Variants in SKAP2 observed in about 807,000 individuals in gnomAD.
The protein encoded by SKAP2 is src kinase associated phosphoprotein 2.
SKAP2 carries 28 observed loss-of-function variants against 54.9 expected under a neutral mutation model. The ratio of observed to expected loss-of-function variants is 0.51; its 90% CI spans 0.38 to 0.70. SKAP2 has a LOEUF of 0.70. Ranked by LOEUF, SKAP2 falls within the 30% of genes least tolerant of loss-of-function variation. The pLI is 0.00. For missense variants in SKAP2, 356 were observed against 424.1 expected, an observed-to-expected ratio of 0.84 and a Z score of 1.41; for synonymous variants, 137 against 134.3, an observed-to-expected ratio of 1.02 and a Z score of -0.14.
chr7:26,727,222 TG>T (rs1381568725), intron 6 of SKAP2, among the ~76,000 whole-genome samples: 13 of 152,084 alleles, frequency 8.5e-5, no homozygotes, highest in African/African-American at 3.1e-4. Flanking sequence ...CTGCAGATCA[TG>T]GTCTTATTTG....
At chr7:26,860,642 G>A (rs1321039324) in intron 1 of SKAP2, among the ~76,000 whole-genome samples, 2 of 151,524 alleles carry the variant, frequency 1.3e-5, no homozygotes. Flanking sequence ...AATTCTCATA[G>A]GAAAAATAAA....
At chr7:26,729,983 A>T (rs1294510453) in intron 6 of SKAP2, among the ~76,000 whole-genome samples, 1 of 152,216 alleles carries the variant, frequency 6.6e-6, no homozygotes, top group Non-Finnish European at 1.5e-5. Context: ...TTATATAAAC[A>T]TCCAAGTCGG....
chr7:26,662,272 T>A (rs181685180), downstream of SKAP2, among the ~76,000 whole-genome samples: 368 of 152,278 alleles, frequency 2.4e-3, 3 homozygotes, highest in Middle Eastern at 6.8e-3. Flanking sequence ...GGAATTTTTT[T>A]AAAAATATTT....
At chr7:26,760,351 T>C (rs1782899106) in intron 4 of SKAP2, among the ~76,000 whole-genome samples, 1 of 152,188 alleles carries the variant, frequency 6.6e-6, no homozygotes, top group African/African-American at 2.4e-5. Context: ...GGAATTGATT[T>C]TTTTATAAAG....
chr7:26,854,209 C>T (rs2127998531), intron 2 of SKAP2, 47 bp from the exon 3 acceptor site: 1 of 1,280,496 alleles, frequency 7.8e-7, no homozygotes, highest in Middle Eastern at 1.9e-4. Context: ...AAAATCAAAA[C>T]AAGGTCTAAT....
chr7:26,764,882 G>A (rs1783013039), intron 4 of SKAP2, among the ~76,000 whole-genome samples: 1 of 152,188 alleles, frequency 6.6e-6, no homozygotes, highest in Non-Finnish European at 1.5e-5. Flanking sequence ...GTCTAACATT[G>A]ATGGGCATTT....
At chr7:26,832,328 T>C (rs1784612298) in intron 4 of SKAP2, among the ~76,000 whole-genome samples, 1 of 152,218 alleles carries the variant, frequency 6.6e-6, no homozygotes, top group Non-Finnish European at 1.5e-5. Flanking sequence ...TAAGTGACTA[T>C]ATCTAAGGCT....
At chr7:26,850,596 GA>G (rs970099094) in intron 3 of SKAP2, among the ~76,000 whole-genome samples, 1 of 143,394 alleles carries the variant, frequency 7.0e-6, no homozygotes, top group Non-Finnish European at 1.5e-5. Flanking sequence ...AAAAAAAAAA[GA>G]AAAAAAAAGG....
chr7:26,836,163 C>T (rs192681820), intron 4 of SKAP2, among the ~76,000 whole-genome samples: 51 of 152,308 alleles, frequency 3.3e-4, no homozygotes, highest in African/African-American at 1.0e-3. Flanking sequence ...AAACTGGACC[C>T]CTTCCTTACA....
At chr7:26,853,347 A>G (rs1016550147) in intron 3 of SKAP2, among the ~76,000 whole-genome samples, 1 of 152,138 alleles carries the variant, frequency 6.6e-6, no homozygotes, top group African/African-American at 2.4e-5. Context: ...TAACCCTCAC[A>G]CCAGCATCCA....
In SKAP2 at chr7:26,727,014, A is replaced by T. The variant is rs1562589083; in HGVS notation, c.470-8T>A. ...CACCTTTCTGTTGTTTGTCTGTTGA[A>T]GATAAAACCAGTTAGAATTTCATTT... is the stretch of plus-strand genomic sequence containing the variant. On this transcript the variant is annotated splice_polypyrimidine_tract_variant and splice_region_variant and intron_variant, in intron 6 of 12. Transcript: ENST00000345317. 2 of 1,581,196 alleles carry T rather than the reference A, an allele frequency of 1.3e-6. No homozygotes were observed. The highest frequency in any genetic ancestry group is 1.7e-6 in the Non-Finnish European group (2 of 1,166,804).
intron 4 of SKAP2, among the ~76,000 whole-genome samples, chr7:26,771,393 A>G (rs1382352432): frequency 2.0e-5 from 3 of 152,224 alleles, no homozygotes; most frequent in African/African-American, 7.2e-5. Context: ...TGAATCCAAT[A>G]AGACCTATCT....
At chr7:26,754,413 A>C (rs1243155817) in intron 4 of SKAP2, among the ~76,000 whole-genome samples, 1 of 151,844 alleles carries the variant, frequency 6.6e-6, no homozygotes, top group Admixed American at 6.6e-5. Flanking sequence ...AAAAAAAAAA[A>C]AACCCAACTG....
chr7:26,832,817 G>C (rs984063142), intron 4 of SKAP2, among the ~76,000 whole-genome samples: 1 of 152,130 alleles, frequency 6.6e-6, no homozygotes, highest in Non-Finnish European at 1.5e-5. Flanking sequence ...AGGAGAATAA[G>C]TGCTAGTTTT....
At chr7:26,717,262 A>G (rs891202739) in intron 9 of SKAP2, among the ~76,000 whole-genome samples, 9 of 151,940 alleles carry the variant, frequency 5.9e-5, no homozygotes, top group Admixed American at 5.2e-4. Context: ...TGTAATCCCA[A>G]CAGTTTGGGA....
intron 1 of SKAP2, chr7:26,857,860 C>G: frequency 2.7e-6 from 1 of 365,222 alleles, no homozygotes; most frequent in Admixed American, 6.4e-5. Flanking sequence ...CTCTAAATAG[C>G]CCTGCAAACG....
chr7:26,795,601 A>G (rs1783758806), intron 4 of SKAP2, among the ~76,000 whole-genome samples: 1 of 152,236 alleles, frequency 6.6e-6, no homozygotes, highest in Admixed American at 6.5e-5. Flanking sequence ...TTGGAAAAAT[A>G]TGAGGTATAA....
intron 9 of SKAP2, among the ~76,000 whole-genome samples, chr7:26,714,686 T>C (rs1034882383): frequency 1.1e-4 from 16 of 152,188 alleles, no homozygotes; most frequent in Admixed American, 8.5e-4. Context: ...TCTGCAAAAA[T>C]AGTGAAGCTT....
intron 4 of SKAP2, among the ~76,000 whole-genome samples, chr7:26,791,062 G>C (rs933398745): frequency 6.6e-6 from 1 of 151,646 alleles, no homozygotes; most frequent in Non-Finnish European, 1.5e-5. Flanking sequence ...AAAAAATCCA[G>C]GATGTACAGT....
Sources: allele counts gnomAD v4.1 joint callset (sites outside exome capture counted in the v4.1 genomes callset), GRCh38; gene constraint gnomAD v4.1.1; transcripts MANE v1.5; gene names NCBI Gene and HGNC (gene_info 2026-07-23, HGNC 2026-07-21).